The following IL1RAP variants were observed in gnomAD, a reference collection of about 807,000 sequenced individuals.
The protein encoded by IL1RAP is interleukin-1 receptor accessory protein.
A neutral mutation model predicts 60.7 loss-of-function variants in IL1RAP; 35 were observed. The ratio of observed to expected loss-of-function variants is 0.58; its 90% CI spans 0.44 to 0.76. The LOEUF is 0.76. Ranked by LOEUF, IL1RAP falls within the 30% of genes least tolerant of loss-of-function variation. The pLI is 0.00. For synonymous variants in IL1RAP, 268 were observed against 250.9 expected (o/e 1.07, Z -0.64); for missense variants, 572 against 693.9 (o/e 0.82, Z 1.97).
chr3:190,637,659 T>C (rs1166673681), intron 9 of IL1RAP, among the ~76,000 whole-genome samples: 1 of 152,134 alleles, frequency 6.6e-6, no homozygotes, highest in Non-Finnish European at 1.5e-5. Context: ...AGTGTACCAT[T>C]TGATAATTTT....
At chr3:190,659,220 T>G (rs528502733) in exon 12 of IL1RAP, 2 of 152,278 alleles carry the variant, frequency 1.3e-5, no homozygotes, top group Admixed American at 1.3e-4. Flanking sequence ...GACAAAGAAA[T>G]GAAAGAACTA....
chr3:190,595,890 T>C (rs1729339974), intron 3 of IL1RAP, among the ~76,000 whole-genome samples: 2 of 152,264 alleles, frequency 1.3e-5, no homozygotes, highest in South Asian at 4.1e-4. Flanking sequence ...TATTTCTATG[T>C]CTTTCTTTTG....
At chr3:190,577,771 A>G (rs939589630) in intron 3 of IL1RAP, among the ~76,000 whole-genome samples, 2 of 151,892 alleles carry the variant, frequency 1.3e-5, no homozygotes, top group Non-Finnish European at 2.9e-5. Flanking sequence ...GCCTCAGGAG[A>G]TCCTCCTGAG....
intron 5 of IL1RAP, among the ~76,000 whole-genome samples, chr3:190,616,226 G>A (rs1006528806): frequency 6.6e-6 from 1 of 152,090 alleles, no homozygotes; most frequent in Non-Finnish European, 1.5e-5. Context: ...TTCATATCTT[G>A]TCTTTATTAT....
intron 2 of IL1RAP, among the ~76,000 whole-genome samples, chr3:190,557,290 G>T (rs566326216): frequency 2.0e-5 from 3 of 152,142 alleles, no homozygotes; most frequent in Admixed American, 1.3e-4. Context: ...CCTTGTGAGG[G>T]ACAGGACTTC....
intron 9 of IL1RAP, chr3:190,629,818 T>G: frequency 2.0e-6 from 2 of 1,023,176 alleles, no homozygotes; most frequent in Non-Finnish European, 2.3e-6. Context: ...CTACCAAAGA[T>G]AGAAAAAACT....
chr3:190,531,784 G>A (rs1406197796), intron 1 of IL1RAP, among the ~76,000 whole-genome samples: 1 of 152,138 alleles, frequency 6.6e-6, no homozygotes, highest in African/African-American at 2.4e-5. Context: ...AGATCCCTAG[G>A]GCACATGAAA....
intron 5 of IL1RAP, chr3:190,615,372 T>C (rs1731177074): frequency 3.8e-6 from 4 of 1,049,370 alleles, no homozygotes; most frequent in Non-Finnish European, 5.0e-6. Flanking sequence ...AGTCCTTTTG[T>C]TGTTGCTTTT....
rs536662614 is a variant in IL1RAP at position 190,619,735 on chromosome 3, A to AC, written c.538-540_538-539insC. Among the ~76,000 whole-genome samples the AC allele has an allele frequency of 2.7e-3, 411 of 152,078 alleles. 4 individuals are homozygous for AC. The highest frequency in any genetic ancestry group is 0.01 in the Admixed American group (154 of 15,276). On this transcript the variant is annotated intron_variant, in intron 5 of 11. Transcript: ENST00000447382. The stretch of plus-strand genomic sequence containing the variant: ...CTGATGAGACCCTATCTCAAAAAAA[A>AC]AAAAAAGTAATAAAAGAAAAATGCA...
At chr3:190,553,178 AC>A (rs754011526) in intron 1 of IL1RAP, among the ~76,000 whole-genome samples, 1 of 152,238 alleles carries the variant, frequency 6.6e-6, no homozygotes, top group Non-Finnish European at 1.5e-5. Context: ...CCGAGGACGT[AC>A]AACAAGATGG....
At chr3:190,524,854 A>G (rs1167795255) in intron 1 of IL1RAP, among the ~76,000 whole-genome samples, 1 of 152,210 alleles carries the variant, frequency 6.6e-6, no homozygotes, top group African/African-American at 2.4e-5. Flanking sequence ...TTTGACATAC[A>G]TATATGCGCA....
intron 1 of IL1RAP, among the ~76,000 whole-genome samples, chr3:190,515,870 C>G (rs143087693): frequency 2.6e-5 from 4 of 151,956 alleles, no homozygotes; most frequent in African/African-American, 7.3e-5. Context: ...TACAGAGATG[C>G]TGCTAAATGC....
intron 9 of IL1RAP, chr3:190,630,246 GA>G: frequency 1.2e-6 from 1 of 859,698 alleles, no homozygotes; most frequent in Non-Finnish European, 1.4e-6. Flanking sequence ...ACAATAAATG[GA>G]AATTATAAAG....
At chr3:190,652,724 A>T (rs1395117802), downstream of IL1RAP, among the ~76,000 whole-genome samples, 2 of 152,198 alleles carry the variant, frequency 1.3e-5, no homozygotes, top group Non-Finnish European at 2.9e-5. Context: ...GTATATAAGC[A>T]TTTATTTGAT....
chr3:190,606,225 T>C (rs1371067843), intron 4 of IL1RAP, among the ~76,000 whole-genome samples: 2 of 152,134 alleles, frequency 1.3e-5, no homozygotes, highest in African/African-American at 4.8e-5. Context: ...TTATTTATGT[T>C]CTAATACAAC....
intron 9 of IL1RAP, among the ~76,000 whole-genome samples, chr3:190,637,066 T>A (rs1227532775): frequency 1.3e-5 from 2 of 152,204 alleles, no homozygotes; most frequent in African/African-American, 4.8e-5. Flanking sequence ...GTATTTCCAT[T>A]TCTTCCCTCC....
Position 190,564,331 on chromosome 3 carries a change from A to C in IL1RAP, c.42A>C (p.Gly14=). 1 of 1,611,922 alleles carries C rather than the reference A, an allele frequency of 6.2e-7. No individual in the cohort carries two copies. The change falls in exon 3 of 12, where the codon GGA becomes GGC. Residue 14 remains glycine (G), a synonymous_variant. Transcript: ENST00000447382. ...LWCVVSLYFY[G]ILQSDASERC... ...GTGTAGTGAGTCTCTACTTTTATGG[A>C]ATCCTGCAAAGTGATGCCTCAGGTA...
chr3:190,522,168 G>C (rs550397731), intron 1 of IL1RAP, among the ~76,000 whole-genome samples: 1 of 152,076 alleles, frequency 6.6e-6, no homozygotes, highest in Non-Finnish European at 1.5e-5. Context: ...AGAGTAGATC[G>C]TAAGAAGTAG....
intron 1 of IL1RAP, among the ~76,000 whole-genome samples, chr3:190,537,211 CTCT>C (rs1207616131): frequency 6.7e-6 from 1 of 150,082 alleles, no homozygotes; most frequent in African/African-American, 2.4e-5. Flanking sequence ...GATACATTTT[CTCT>C]TCTTTTTTTT....
Sources: gnomAD v4.1 joint callset for allele counts (sites outside exome capture counted in the v4.1 genomes callset) on GRCh38, gnomAD v4.1.1 for gene constraint, MANE v1.5 for transcripts, NCBI Gene and HGNC (gene_info 2026-07-23, HGNC 2026-07-21) for gene names.